The following NBPF8 variants were observed in gnomAD, a reference collection of about 807,000 sequenced individuals.
The protein encoded by NBPF8 is NBPF member 8.
At chr1:120,424,776 A>T (rs200060311) in intron 1 of NBPF8, among the ~76,000 whole-genome samples, 21,763 of 136,918 alleles carry the variant, frequency 0.16, 2,339 homozygotes, top group East Asian at 0.53. Flanking sequence ...GAGAGATCAG[A>T]TTGTTACTGT....
At chr1:120,428,157 C>G (rs1340799587) in intron 3 of NBPF8, among the ~76,000 whole-genome samples, 2 of 151,934 alleles carry the variant, frequency 1.3e-5, no homozygotes, top group Admixed American at 1.3e-4. Flanking sequence ...TGTCTGTCCC[C>G]TCCCTTTATG....
intron 1 of NBPF8, among the ~76,000 whole-genome samples, chr1:120,425,088 C>T (rs1459830219): frequency 2.0e-5 from 3 of 150,840 alleles, no homozygotes; most frequent in African/African-American, 7.3e-5. Context: ...CAGGTATTGT[C>T]CAAGGTTTCT....
intron 13 of NBPF8, among the ~76,000 whole-genome samples, chr1:120,452,540 T>C (rs1263424449): frequency 6.6e-6 from 1 of 151,938 alleles, no homozygotes; most frequent in South Asian, 2.1e-4. Context: ...CCTCCTCCCT[T>C]GATGGAAGGT....
chr1:120,430,479 G>A (rs1228589938), intron 3 of NBPF8, among the ~76,000 whole-genome samples: 3 of 109,710 alleles, frequency 2.7e-5, no homozygotes, highest in East Asian at 1.9e-4. Flanking sequence ...AACAGACGGG[G>A]CACCGTGGCT....
intron 3 of NBPF8, among the ~76,000 whole-genome samples, chr1:120,428,209 T>C (rs1339833728): frequency 2.6e-5 from 4 of 152,182 alleles, no homozygotes; most frequent in African/African-American, 4.8e-5. Flanking sequence ...AAACAGATGG[T>C]CATAGAATTG....
upstream of NBPF8, among the ~76,000 whole-genome samples, chr1:120,431,423 T>C (rs1553247049): frequency 6.3e-5 from 9 of 143,192 alleles, no homozygotes; most frequent in South Asian, 1.3e-3. Context: ...CACACACATA[T>C]ATATATATTG....
chr1:120,431,254 TG>T (rs1660865163), intron 3 of NBPF8, among the ~76,000 whole-genome samples: 3 of 23,436 alleles, frequency 1.3e-4, no homozygotes, highest in Admixed American at 8.1e-4. Flanking sequence ...CACACAAACG[TG>T]TGTGTGTGTG....
intron 15 of NBPF8, among the ~76,000 whole-genome samples, chr1:120,455,118 G>A (rs1383362012): frequency 6.7e-6 from 1 of 149,522 alleles, no homozygotes; most frequent in East Asian, 2.0e-4. Context: ...AAAATTGTTT[G>A]ACCAATTTTT....
Position 120,423,464 on chromosome 1 carries a change from A to G in NBPF8, n.270-2283A>G, listed in dbSNP as rs1422068174. 1.0e-4 allele frequency among the ~76,000 whole-genome samples: 11 copies of G among 105,494 alleles called. 4 individuals are homozygous for G. Among genetic ancestry groups the G allele is most frequent in the Non-Finnish European group, 1.7e-4 (9 of 52,432 alleles). The allele number at this position is 105,494 out of a possible 152,430, so 69.2% of individuals were successfully genotyped here. A position where few individuals can be genotyped will look rare whatever the true frequency, so the allele number is the denominator to read the frequency against. On this transcript the variant is annotated intron_variant and non_coding_transcript_variant, in intron 1 of 28. Transcript: ENST00000652355. ...GCTTCTGGGCTCCGTATTCTTTTCT[A>G]TGCATCTATATGTGTGTGTTTTCTC...
At chr1:120,449,322 A>C in exon 11 of NBPF8, 1 of 1,611,196 alleles carries the variant, frequency 6.2e-7, no homozygotes, top group Non-Finnish European at 8.5e-7. Flanking sequence ...GCAGAGAAGA[A>C]ACAGCAGTTC....
intron 12 of NBPF8, among the ~76,000 whole-genome samples, chr1:120,451,868 C>T (rs1661284344): frequency 6.6e-6 from 1 of 151,326 alleles, no homozygotes; most frequent in Non-Finnish European, 1.5e-5. Context: ...AAGACACCTA[C>T]TTTTGTTTAC....
chr1:120,462,477 T>G (rs1245132278), intron 20 of NBPF8, among the ~76,000 whole-genome samples: 3 of 134,884 alleles, frequency 2.2e-5, no homozygotes, highest in African/African-American at 8.3e-5. Context: ...CCCACTCTTT[T>G]CATGATCACT....
At chr1:120,422,126 AG>A (rs1660594263) in intron 1 of NBPF8, among the ~76,000 whole-genome samples, 2 of 152,256 alleles carry the variant, frequency 1.3e-5, no homozygotes, top group African/African-American at 2.4e-5. Flanking sequence ...TGGAGTGGAT[AG>A]TACAGAGAGT....
chr1:120,467,830 AAC>A (rs1482807952), downstream of NBPF8: 2 of 152,322 alleles, frequency 1.3e-5, no homozygotes, highest in South Asian at 2.1e-4. Flanking sequence ...AATTAATAAA[AAC>A]ATTTCATTTC....
intron 1 of NBPF8, among the ~76,000 whole-genome samples, chr1:120,422,964 T>C (rs1660615556): frequency 8.3e-6 from 1 of 120,666 alleles, no homozygotes. Context: ...TTCACCTTTT[T>C]TTTTTTTTTT....
chr1:120,431,419 CAT>C (rs1470242597), upstream of NBPF8, among the ~76,000 whole-genome samples: 21,882 of 118,960 alleles, frequency 0.18, 2,527 homozygotes, highest in Non-Finnish European at 0.25. Flanking sequence ...CACACACACA[CAT>C]ATATATATAT....
At chr1:120,456,746 G>A (rs1253717762) in intron 16 of NBPF8, among the ~76,000 whole-genome samples, 6 of 146,734 alleles carry the variant, frequency 4.1e-5, no homozygotes, top group Non-Finnish European at 6.0e-5. Context: ...TTTAACTGGG[G>A]CATTTAGCCC....
At position 120,449,977 on chromosome 1, in the gene NBPF8, C is replaced by T. The variant is rs587749066; in HGVS notation, n.1971+575C>T. ...TGCATGGTGGCTCACTCCTGTAATC[C>T]CAGCACTTTGGGAGGCTGAGGCGGG... On this transcript the variant is annotated intron_variant and non_coding_transcript_variant, in intron 11 of 24. Coordinates refer to ENST00000583271, the Ensembl canonical transcript of NBPF8. 2.3e-3 allele frequency among the ~76,000 whole-genome samples: 350 copies of T among 152,162 alleles called. 1 individual carries two copies. The highest frequency in any genetic ancestry group is 8.1e-3 in the African/African-American group (338 of 41,510).
At chr1:120,450,162 G>C (rs1490827472) in intron 11 of NBPF8, among the ~76,000 whole-genome samples, 1 of 152,132 alleles carries the variant, frequency 6.6e-6, no homozygotes, top group Non-Finnish European at 1.5e-5. Context: ...AGGAGGCTGA[G>C]GTTGCAGTGA....
Sources: allele counts gnomAD v4.1 joint callset (sites outside exome capture counted in the v4.1 genomes callset), GRCh38; gene constraint gnomAD v4.1.1; transcripts MANE v1.5; gene names NCBI Gene and HGNC (gene_info 2026-07-23, HGNC 2026-07-21).